Variants in DCC observed in about 807,000 individuals in gnomAD.
The protein encoded by DCC is netrin receptor DCC.
In DCC, 58 loss-of-function variants were observed where a neutral mutation model predicts 172.5. The observed-to-expected ratio is 0.34, with a 90% CI of 0.27 to 0.42. DCC has a LOEUF of 0.42. Among genes scored for constraint, DCC ranks in the 10% least tolerant of loss-of-function variants. The pLI, the probability that DCC is intolerant of heterozygous loss-of-function variation, is 1.00. For synonymous variants in DCC, 709 were observed against 644.5 expected, an observed-to-expected ratio of 1.10 and a Z score of -1.52; for missense variants, 1,740 against 1,791.0, an observed-to-expected ratio of 0.97 and a Z score of 0.51.
intron 1 of DCC, among the ~76,000 whole-genome samples, chr18:52,475,620 G>A (rs1453697110): frequency 1.3e-5 from 2 of 152,066 alleles, no homozygotes; most frequent in African/African-American, 2.4e-5. Flanking sequence ...AAGACAGAAA[G>A]GGTTTTTGCC....
intron 7 of DCC, among the ~76,000 whole-genome samples, chr18:53,146,305 G>A (rs2043913382): frequency 6.6e-6 from 1 of 152,190 alleles, no homozygotes; most frequent in Admixed American, 6.5e-5. Context: ...CTGGAGGCTG[G>A]GAGCACAAGG....
chr18:53,188,639 C>T (rs2055321796), intron 9 of DCC, among the ~76,000 whole-genome samples: 2 of 152,162 alleles, frequency 1.3e-5, no homozygotes, highest in Non-Finnish European at 2.9e-5. Flanking sequence ...TTATCTAGGG[C>T]TACCTTAACA....
chr18:53,202,538 A>C (rs1191818095), intron 9 of DCC, among the ~76,000 whole-genome samples: 4 of 152,326 alleles, frequency 2.6e-5, no homozygotes, highest in Non-Finnish European at 5.9e-5. Context: ...CCATGCTAGA[A>C]ATGGACTCCA....
intron 27 of DCC, among the ~76,000 whole-genome samples, chr18:53,513,799 CA>C (rs1236395722): frequency 6.7e-6 from 1 of 148,450 alleles, no homozygotes; most frequent in Non-Finnish European, 1.5e-5. Context: ...ACAGGAGCAC[CA>C]AGATTCATAA....
chr18:52,536,845 G>T (rs983624202), intron 1 of DCC, among the ~76,000 whole-genome samples: 3 of 152,134 alleles, frequency 2.0e-5, no homozygotes, highest in Non-Finnish European at 4.4e-5. Flanking sequence ...ATAAATTTTT[G>T]CAGAGAAGTT....
At chr18:52,648,114 C>T (rs1001773226) in intron 1 of DCC, among the ~76,000 whole-genome samples, 1 of 152,152 alleles carries the variant, frequency 6.6e-6, no homozygotes, top group African/African-American at 2.4e-5. Context: ...AAAGCAAGAA[C>T]ATCTGGGGTG....
intron 5 of DCC, among the ~76,000 whole-genome samples, chr18:52,973,092 T>G (rs991553846): frequency 1.3e-5 from 2 of 152,226 alleles, no homozygotes; most frequent in Admixed American, 1.3e-4. Context: ...CTAGTAGATA[T>G]TCAATCAATG....
At chr18:52,567,613 G>T (rs913447291) in intron 1 of DCC, among the ~76,000 whole-genome samples, 2 of 152,140 alleles carry the variant, frequency 1.3e-5, no homozygotes, top group African/African-American at 4.8e-5. Context: ...GTTAAATAAT[G>T]TGTATGCGTC....
chr18:53,187,404 G>A (rs908484645), intron 9 of DCC, among the ~76,000 whole-genome samples: 3 of 152,066 alleles, frequency 2.0e-5, no homozygotes, highest in African/African-American at 7.2e-5. Flanking sequence ...TTACAGGAGT[G>A]AACCACCGTG....
At chr18:52,790,170 C>T (rs2037732950) in intron 2 of DCC, among the ~76,000 whole-genome samples, 1 of 152,106 alleles carries the variant, frequency 6.6e-6, no homozygotes, top group South Asian at 2.1e-4. Context: ...AGGTATTGCT[C>T]CCAAAGACAT....
intron 25 of DCC, among the ~76,000 whole-genome samples, chr18:53,483,258 C>T (rs1010042078): frequency 2.0e-5 from 3 of 151,840 alleles, no homozygotes; most frequent in African/African-American, 7.2e-5. Context: ...ATGTGCTTTT[C>T]ATAAAATATC....
chr18:53,392,225 CTTT>C (rs934687000), intron 17 of DCC, among the ~76,000 whole-genome samples: 1 of 144,608 alleles, frequency 6.9e-6, no homozygotes. Flanking sequence ...ATTTTGGTAT[CTTT>C]TTTTTTTTTC....
intron 1 of DCC, among the ~76,000 whole-genome samples, chr18:52,736,448 CTT>C (rs1323875151): frequency 6.6e-6 from 1 of 152,014 alleles, no homozygotes; most frequent in Non-Finnish European, 1.5e-5. Flanking sequence ...ATATAAGTGA[CTT>C]TGATAATTAT....
At chr18:53,374,801 G>A (rs969454271) in intron 15 of DCC, among the ~76,000 whole-genome samples, 3 of 152,154 alleles carry the variant, frequency 2.0e-5, no homozygotes, top group African/African-American at 7.2e-5. Context: ...ATACTGTGAT[G>A]TTAGGAGAAA....
intron 1 of DCC, among the ~76,000 whole-genome samples, chr18:52,615,386 C>T (rs188868454): frequency 2.1e-4 from 32 of 152,236 alleles, no homozygotes; most frequent in African/African-American, 5.8e-4. Context: ...AGATTCAAAG[C>T]GGTGGGAACA....
At chr18:52,505,242 C>A (rs1234632289) in intron 1 of DCC, among the ~76,000 whole-genome samples, 2 of 152,282 alleles carry the variant, frequency 1.3e-5, no homozygotes, top group East Asian at 3.9e-4. Flanking sequence ...TCAGTATTTT[C>A]ATCTAATGCT....
At chr18:53,422,071 A>G (rs900258318) in intron 21 of DCC, among the ~76,000 whole-genome samples, 3 of 152,150 alleles carry the variant, frequency 2.0e-5, no homozygotes, top group Non-Finnish European at 4.4e-5. Flanking sequence ...TCAGGAGGTT[A>G]TAAGGAAAAG....
At chr18:53,349,071 C>T (rs752096507) in intron 15 of DCC, among the ~76,000 whole-genome samples, 2 of 152,162 alleles carry the variant, frequency 1.3e-5, no homozygotes, top group Non-Finnish European at 2.9e-5. Context: ...GCAAATTTTG[C>T]AAACTTTTAT....
intron 2 of DCC, among the ~76,000 whole-genome samples, chr18:52,778,006 T>TTA (rs1192685363): frequency 1.4e-5 from 2 of 144,260 alleles, no homozygotes; most frequent in Non-Finnish European, 3.2e-5. Context: ...AACAATTGTA[T>TTA]TACTTACAAG....
Sources: gnomAD v4.1 joint callset for allele counts (sites outside exome capture counted in the v4.1 genomes callset) on GRCh38, gnomAD v4.1.1 for gene constraint, MANE v1.5 for transcripts, NCBI Gene and HGNC (gene_info 2026-07-23, HGNC 2026-07-21) for gene names.